NDUFV2: variants seen among roughly 807,000 people sequenced by gnomAD.
NDUFV2 encodes NADH:ubiquinone oxidoreductase core subunit V2.
In NDUFV2, 18 loss-of-function variants were observed where a neutral mutation model predicts 31.6. That is an observed-to-expected ratio of 0.57 (90% confidence interval 0.39 to 0.84). The LOEUF (loss-of-function observed/expected upper bound fraction) is 0.84. NDUFV2 is among the 40% of genes least tolerant of loss of function. The pLI, the probability that NDUFV2 is intolerant of heterozygous loss-of-function variation, is 0.00. For missense variants in NDUFV2, 314 were observed against 303.6 expected, an observed-to-expected ratio of 1.03 and a Z score of -0.26; for synonymous variants, 83 against 99.8, an observed-to-expected ratio of 0.83 and a Z score of 1.01.
In NDUFV2 at chr18:9,134,332, T is replaced by G. The variant is rs976306470; in HGVS notation, c.*53T>G. 4 of 1,341,936 alleles carry G rather than the reference T, an allele frequency of 3.0e-6. No individual in the cohort carries two copies. In the Admixed American group the frequency reaches 6.8e-5, roughly 23 times the overall value. The allele number at this position is 1,341,936 out of a possible 1,614,324, so 83.1% of individuals were successfully genotyped here. ...AGAGAAATAAAATATGGACTTCCAA[T>G]CTACGTAAACTTATTTGTTTATTCT... On this transcript the variant is annotated 3_prime_UTR_variant, in exon 8 of 8. Transcript: ENST00000318388.
At chr18:9,118,919 C>T (rs2077914715) in intron 2 of NDUFV2, among the ~76,000 whole-genome samples, 1 of 143,600 alleles carries the variant, frequency 7.0e-6, no homozygotes, top group Non-Finnish European at 1.5e-5. Flanking sequence ...AATCTGATAA[C>T]CTTGCTTTTG....
intron 7 of NDUFV2, among the ~76,000 whole-genome samples, chr18:9,130,269 A>G (rs1458477820): frequency 6.6e-6 from 1 of 152,240 alleles, no homozygotes; most frequent in Non-Finnish European, 1.5e-5. Context: ...TATTTTAACA[A>G]TAAGCAGGAA....
At chr18:9,117,683 C>T (rs1220848147) in intron 1 of NDUFV2, 155 bp from the exon 2 acceptor site, 2 of 578,584 alleles carry the variant, frequency 3.5e-6, no homozygotes, top group East Asian at 2.9e-5. Context: ...AAATAACTCT[C>T]CTGAAATAGA....
chr18:9,122,067 G>A (rs998195369), intron 4 of NDUFV2, among the ~76,000 whole-genome samples: 20 of 152,112 alleles, frequency 1.3e-4, no homozygotes, highest in Non-Finnish European at 5.9e-5. Flanking sequence ...CCATTTGTAT[G>A]TAGGCTGTTT....
In NDUFV2 at chr18:9,124,933, T is replaced by G; in HGVS notation, c.529T>G (p.Leu177Val). ...KLFTLIEVEC[L>V]GACVNAPMVQ... ...TTTCACTCTTATAGAAGTGGAATGT[T>G]TAGGGGCCTGTGTGAACGCACCAAT... Residue 177 changes from leucine to valine, a missense_variant, in exon 6 of 8, where the codon TTA (leucine) becomes GTA (valine). Leu to Val is a conservative substitution (Grantham distance 32). Transcript: ENST00000318388. 1 of 1,613,656 alleles carries G rather than the reference T, an allele frequency of 6.2e-7. No individual in the cohort carries two copies. Among genetic ancestry groups the G allele is most frequent in the Non-Finnish European group, 8.5e-7 (1 of 1,179,710 alleles).
chr18:9,126,660 C>T (rs1020907749), intron 6 of NDUFV2, 171 bp from the exon 7 acceptor site: 9 of 596,088 alleles, frequency 1.5e-5, no homozygotes, highest in South Asian at 5.9e-5. Context: ...TTGTGCCATG[C>T]GTGGTGGTTC....
At position 9,132,978 on chromosome 18, in the gene NDUFV2, C is replaced by G. The variant is rs147456261; in HGVS notation, c.657-1208C>G. Among the ~76,000 whole-genome samples the G allele has an allele frequency of 1.4e-3, 208 of 152,310 alleles. 1 individual carries two copies. The highest frequency in any genetic ancestry group is 4.9e-3 in the African/African-American group (202 of 41,574). ...TTACTCTACAAGTTTCAGGCTCTTA[C>G]AGTATACAATGACTGCTTTTTTATC... On this transcript the variant is annotated intron_variant, in intron 7 of 7. Transcript: ENST00000318388.
chr18:9,108,061 T>C (rs900735883), intron 1 of NDUFV2, among the ~76,000 whole-genome samples: 6 of 152,344 alleles, frequency 3.9e-5, no homozygotes, highest in African/African-American at 1.4e-4. Flanking sequence ...GTTGCTTATA[T>C]CCATGTGGGA....
intron 7 of NDUFV2, 70 bp downstream of exon 7, chr18:9,126,977 A>C (rs773015558): frequency 8.0e-7 from 1 of 1,256,882 alleles, no homozygotes; most frequent in Non-Finnish European, 1.2e-6. Flanking sequence ...AACTTGATTT[A>C]AAAAATTTTA....
chr18:9,127,240 A>G (rs1315805106), intron 7 of NDUFV2, among the ~76,000 whole-genome samples: 1 of 152,208 alleles, frequency 6.6e-6, no homozygotes, highest in Non-Finnish European at 1.5e-5. Context: ...CCTTTGAATC[A>G]ACAAAAGATA....
chr18:9,104,913 T>C, intron 1 of NDUFV2: 1 of 1,491,206 alleles, frequency 6.7e-7, no homozygotes. Context: ...GAAATTACCA[T>C]TGTTAACATT....
intron 1 of NDUFV2, among the ~76,000 whole-genome samples, chr18:9,105,632 C>A (rs1441282581): frequency 1.3e-5 from 2 of 152,158 alleles, no homozygotes; most frequent in Non-Finnish European, 2.9e-5. Context: ...CCTTTACTTA[C>A]AATGAGATGA....
intron 1 of NDUFV2, among the ~76,000 whole-genome samples, chr18:9,112,035 T>C (rs2077873533): frequency 1.3e-5 from 2 of 150,166 alleles, no homozygotes; most frequent in East Asian, 3.9e-4. Context: ...TTTTTTTTTT[T>C]TGATAGAGAA....
chr18:9,119,809 G>T (rs1296180744), intron 4 of NDUFV2, among the ~76,000 whole-genome samples: 1 of 151,742 alleles, frequency 6.6e-6, no homozygotes, highest in Non-Finnish European at 1.5e-5. Context: ...AAGGCATTAT[G>T]GTGAAAGAGG....
intron 1 of NDUFV2, among the ~76,000 whole-genome samples, chr18:9,116,752 C>CGTTTACTTTCTTCTAT (rs1426743746): frequency 6.6e-6 from 1 of 152,128 alleles, no homozygotes; most frequent in African/African-American, 2.4e-5. Context: ...TATATTACTC[C>CGTTTACTTTCTTCTAT]GTTTACTTTC....
chr18:9,126,294 TTTAG>T (rs1450302492), intron 6 of NDUFV2, among the ~76,000 whole-genome samples: 3 of 152,244 alleles, frequency 2.0e-5, no homozygotes, highest in African/African-American at 7.2e-5. Context: ...ACAGCATTTA[TTTAG>T]TATGTACGTT....
At chr18:9,105,197 A>C (rs1441390955) in intron 1 of NDUFV2, among the ~76,000 whole-genome samples, 1 of 152,236 alleles carries the variant, frequency 6.6e-6, no homozygotes, top group Non-Finnish European at 1.5e-5. Flanking sequence ...AAGTCTACCT[A>C]AGTTCCTTTC....
intron 7 of NDUFV2, chr18:9,132,482 C>G (rs2078048516): frequency 6.6e-6 from 1 of 152,142 alleles, no homozygotes; most frequent in Non-Finnish European, 1.5e-5. Flanking sequence ...GGTAGCTGAG[C>G]TTAAACCGTA....
At chr18:9,127,597 G>A (rs1226907204) in intron 7 of NDUFV2, among the ~76,000 whole-genome samples, 3 of 152,072 alleles carry the variant, frequency 2.0e-5, no homozygotes, top group East Asian at 1.9e-4. Flanking sequence ...TCAGCCTCCC[G>A]AGTAGCTGGG....
Sources: allele counts gnomAD v4.1 joint callset (sites outside exome capture counted in the v4.1 genomes callset), GRCh38; gene constraint gnomAD v4.1.1; transcripts MANE v1.5; gene names NCBI Gene and HGNC (gene_info 2026-07-23, HGNC 2026-07-21).